CYP2C19: variants seen among roughly 807,000 people sequenced by gnomAD.
CYP2C19 encodes cytochrome P450 family 2 subfamily C member 19.
In CYP2C19, 59 loss-of-function variants were observed where a neutral mutation model predicts 40.9. That is an observed-to-expected ratio of 1.44 (90% CI 1.17 to 1.79). CYP2C19 has a LOEUF of 1.79. CYP2C19 is among the 40% of genes most tolerant of loss of function. The pLI is 0.00. For missense variants in CYP2C19, 754 were observed against 596.9 expected (o/e 1.26, Z -2.74); for synonymous variants, 253 against 208.7 (o/e 1.21, Z -1.83).
intron 1 of CYP2C19, among the ~76,000 whole-genome samples, chr10:94,772,386 T>G (rs1848345639): frequency 6.6e-6 from 1 of 152,084 alleles, no homozygotes; most frequent in Non-Finnish European, 1.5e-5. Context: ...AAATCATTCA[T>G]GTAGGAGAAA....
At chr10:94,845,577 C>A (rs1462418840) in intron 7 of CYP2C19, among the ~76,000 whole-genome samples, 1 of 152,096 alleles carries the variant, frequency 6.6e-6, no homozygotes, top group Non-Finnish European at 1.5e-5. Flanking sequence ...TGAGTTTTAA[C>A]TTTCCCATAA....
intron 8 of CYP2C19, 26 bp from the exon 9 acceptor site, chr10:94,852,707 C>A: frequency 6.2e-7 from 1 of 1,611,474 alleles, no homozygotes; most frequent in South Asian, 1.1e-5. Flanking sequence ...TGAGGAGTAA[C>A]TTCTCCCTAT....
intron 5 of CYP2C19, among the ~76,000 whole-genome samples, chr10:94,813,597 T>C (rs2134262002): frequency 6.6e-6 from 1 of 151,978 alleles, no homozygotes; most frequent in East Asian, 1.9e-4. Context: ...GAAAACCACC[T>C]ACTCAAGCCT....
rs58519063 is a variant in CYP2C19 at position 94,852,831 on chromosome 10, C to T, written c.1390C>T (p.Pro464Ser). 1 of 1,614,046 alleles carries T rather than the reference C, an allele frequency of 6.2e-7. No homozygotes were observed. The highest frequency in any genetic ancestry group is 8.5e-7 in the Non-Finnish European group (1 of 1,179,978). The change falls in exon 9 of 9, where the codon CCA (proline) becomes TCA (serine). Residue 464 changes from proline (P) to serine (S), a missense_variant. By Grantham distance (74) the Pro-to-Ser change is moderately conservative. Transcript: ENST00000371321. Reference sequence around the variant, plus strand: ...CTTTAACCTGAAATCTCTGATTGACCCAAAGGACCTTGACACAACTCCTGT... The same window carrying T: ...CTTTAACCTGAAATCTCTGATTGACTCAAAGGACCTTGACACAACTCCTGT... ...QNFNLKSLID[P>S]KDLDTTPVVN...
chr10:94,818,186 G>C (rs1388652766), intron 5 of CYP2C19, among the ~76,000 whole-genome samples: 2 of 146,958 alleles, frequency 1.4e-5, no homozygotes, highest in Non-Finnish European at 1.5e-5. Context: ...GTTTGTCAAA[G>C]ATCAGATAGT....
At chr10:94,807,458 G>A (rs992849468) in intron 5 of CYP2C19, among the ~76,000 whole-genome samples, 10 of 152,006 alleles carry the variant, frequency 6.6e-5, no homozygotes, top group African/African-American at 1.7e-4. Context: ...TTAGTTCTTC[G>A]AGGATTCTTT....
chr10:94,827,573 C>T (rs1350430164), intron 6 of CYP2C19, among the ~76,000 whole-genome samples: 1 of 152,026 alleles, frequency 6.6e-6, no homozygotes, highest in Non-Finnish European at 1.5e-5. Context: ...ATTAGTCTTG[C>T]TAGTGGTCTA....
intron 5 of CYP2C19, among the ~76,000 whole-genome samples, chr10:94,803,117 T>C (rs370176179): frequency 6.0e-4 from 92 of 152,312 alleles, no homozygotes; most frequent in African/African-American, 2.0e-3. Flanking sequence ...TTTTGGTGGT[T>C]TTACAATATT....
At chr10:94,829,608 C>G (rs902805675) in intron 6 of CYP2C19, among the ~76,000 whole-genome samples, 1 of 152,128 alleles carries the variant, frequency 6.6e-6, no homozygotes, top group African/African-American at 2.4e-5. Flanking sequence ...GAATGTCCTT[C>G]CATAGCTCAG....
intron 1 of CYP2C19, among the ~76,000 whole-genome samples, chr10:94,769,489 C>A (rs758823567): frequency 2.0e-5 from 3 of 152,154 alleles, no homozygotes; most frequent in Non-Finnish European, 4.4e-5. Flanking sequence ...TATTCTGCTT[C>A]CTCTGGTATT....
chr10:94,842,291 G>A (rs1203945068), intron 6 of CYP2C19, among the ~76,000 whole-genome samples: 2 of 150,414 alleles, frequency 1.3e-5, no homozygotes, highest in Non-Finnish European at 3.0e-5. Context: ...TATTTTGTCT[G>A]CTTTAAATAT....
chr10:94,765,162 A>G (rs963995544), intron 1 of CYP2C19, among the ~76,000 whole-genome samples: 6 of 152,106 alleles, frequency 3.9e-5, no homozygotes, highest in Admixed American at 2.6e-4. Flanking sequence ...GTAGTAGGAT[A>G]ATGAAGTAGA....
In CYP2C19 at chr10:94,810,215, G is replaced by A. The variant is rs182511927; in HGVS notation, c.820-10281G>A. 2.6e-5 allele frequency among the ~76,000 whole-genome samples: 4 copies of A among 152,312 alleles called. No individual in the cohort carries two copies. In the East Asian group the frequency reaches 5.8e-4, roughly 22 times the overall value. On this transcript the variant is annotated intron_variant, in intron 5 of 8. Coordinates refer to ENST00000371321, the MANE Select transcript of CYP2C19 (RefSeq NM_000769.4). Reference sequence around the variant, plus strand: ...GATTTGCATGTGTTGAACGAGCCTTGCATCCCAGGGATGAAGCCAACTTGA... The same window carrying A: ...GATTTGCATGTGTTGAACGAGCCTTACATCCCAGGGATGAAGCCAACTTGA...
At chr10:94,797,416 G>C (rs1007142728) in intron 5 of CYP2C19, among the ~76,000 whole-genome samples, 1 of 151,930 alleles carries the variant, frequency 6.6e-6, no homozygotes, top group Admixed American at 6.6e-5. Context: ...GAAGATTTTT[G>C]CATCGATGTT....
intron 7 of CYP2C19, among the ~76,000 whole-genome samples, 192 bp downstream of exon 7, chr10:94,843,216 G>A (rs1849522544): frequency 6.6e-6 from 1 of 152,198 alleles, no homozygotes; most frequent in Non-Finnish European, 1.5e-5. Context: ...CTCACAGTGT[G>A]TGTTTTTCAG....
At chr10:94,843,142 G>C (rs1849521744) in intron 7 of CYP2C19, 118 bp downstream of exon 7, 1 of 1,260,520 alleles carries the variant, frequency 7.9e-7, no homozygotes, top group African/African-American at 1.5e-5. Context: ...ATGTATGGCA[G>C]TTTAATTGGA....
intron 3 of CYP2C19, 42 bp from the exon 4 acceptor site, chr10:94,780,457 C>G (rs1564662897): frequency 1.2e-6 from 2 of 1,606,076 alleles, no homozygotes. Context: ...TGTTTTATAT[C>G]TAATGTTTAC....
At chr10:94,821,745 G>A (rs1245626585) in intron 6 of CYP2C19, among the ~76,000 whole-genome samples, 3 of 151,950 alleles carry the variant, frequency 2.0e-5, no homozygotes, top group Non-Finnish European at 4.4e-5. Context: ...TAAGAGTTAG[G>A]CCTTTTTTTG....
In CYP2C19 at chr10:94,812,766, A is replaced by T. The variant is rs936826398; in HGVS notation, c.820-7730A>T. On this transcript the variant is annotated intron_variant, in intron 5 of 8. Coordinates refer to ENST00000371321, the MANE Select transcript of CYP2C19 (RefSeq NM_000769.4). The stretch of plus-strand genomic sequence containing the variant: ...TTCTCTAGTTAGCAATTCGTCTAAC[A>T]TTTTTTCAAGGTTCTTAGCTTCTTT... 2.0e-5 allele frequency among the ~76,000 whole-genome samples: 3 copies of T among 149,542 alleles called. No homozygotes were observed. In the East Asian group the frequency reaches 5.9e-4, roughly 29 times the overall value.
Sources: gnomAD v4.1 joint callset for allele counts (sites outside exome capture counted in the v4.1 genomes callset) on GRCh38, gnomAD v4.1.1 for gene constraint, MANE v1.5 for transcripts, NCBI Gene and HGNC (gene_info 2026-07-23, HGNC 2026-07-21) for gene names.